The following SKI variants were observed in gnomAD, a reference collection of about 807,000 sequenced individuals.
SKI encodes SKI proto-oncogene, also known as ski oncogene.
A neutral mutation model predicts 59.3 loss-of-function variants in SKI; 23 were observed. The ratio of observed to expected loss-of-function variants is 0.39; its 90% CI spans 0.28 to 0.55. The LOEUF (loss-of-function observed/expected upper bound fraction) is 0.55. SKI is among the 20% of genes least tolerant of loss of function. SKI has a pLI of 0.67. For missense variants in SKI, 1,017 were observed against 1,038.9 expected (o/e 0.98, Z 0.29); for synonymous variants, 673 against 488.6 (o/e 1.38, Z -4.98).
chr1:2,239,358 A>G (rs1268461964), intron 1 of SKI, among the ~76,000 whole-genome samples: 2 of 152,200 alleles, frequency 1.3e-5, no homozygotes, highest in East Asian at 1.9e-4. Flanking sequence ...TGTGAAAACA[A>G]GGTAAACCCC....
chr1:2,297,400 C>T lies in SKI; in HGVS notation c.970-5578C>T, dbSNP rs140180384. ...TCAGGAGCAGGGCCACAGGCAGGAC[C>T]TCGAGTGCCCAGCCCGCTCACCACG... On this transcript the variant is annotated intron_variant, in intron 1 of 6. Coordinates refer to ENST00000378536, the MANE Select transcript of SKI (RefSeq NM_003036.4). Among the ~76,000 whole-genome samples the T allele has an allele frequency of 6.7e-3, 1,022 of 152,356 alleles. 13 individuals are homozygous for T. The highest frequency in any genetic ancestry group is 0.023 in the African/African-American group (946 of 41,586).
chr1:2,290,151 C>T (rs1039498117), intron 1 of SKI, among the ~76,000 whole-genome samples: 2 of 151,922 alleles, frequency 1.3e-5, no homozygotes, highest in Non-Finnish European at 2.9e-5. Context: ...GGGTGGAGTC[C>T]TTGGTCTTAA....
Position 2,229,522 on chromosome 1 carries a change from C to T in SKI, c.756C>T (p.Leu252=). ...GCATCCAGTGCCTGGACTGCCGCCT[C>T]ATGTACCCGCCGCACAAGTTCGTGG... is the stretch of plus-strand genomic sequence containing the variant. ...AACIQCLDCR[L]MYPPHKFVVH... Residue 252 remains leucine (L), a synonymous_variant, in exon 1 of 7, where the codon CTC becomes CTT. Coordinates refer to ENST00000378536, the MANE Select transcript of SKI (RefSeq NM_003036.4). This position sits in a 1 kb window ranked among gnomAD's most constrained non-coding sequence, Gnocchi z 6.3. 2 of 1,611,210 alleles carry T rather than the reference C, an allele frequency of 1.2e-6. No individual in the cohort carries two copies. The highest frequency in any genetic ancestry group is 1.7e-6 in the Non-Finnish European group (2 of 1,179,894).
At position 2,273,786 on chromosome 1, in the gene SKI, G is replaced by A. The variant is rs147661341; in HGVS notation, c.970-29192G>A. 2.9e-4 allele frequency among the ~76,000 whole-genome samples: 44 copies of A among 152,346 alleles called. No homozygotes were observed. The East Asian group carries it at 8.1e-3, about 28-fold the overall frequency. ...CGTGGGCAGCGTTCGGGCTGAGGCT[G>A]CAGGGGGCCTTGGGAGCACGGTGGC... On this transcript the variant is annotated intron_variant, in intron 1 of 6. Transcript: ENST00000378536.
rs1254990952 is a variant in SKI, at chr1:2,228,788, C to A, written c.22C>A (p.Arg8Ser). MEAAAGG[R>S]GCFQPHPGLQ... ...CACCATGGAGGCGGCGGCAGGCGGC[C>A]GCGGCTGTTTCCAGCCGCACCCGGG... is the stretch of plus-strand genomic sequence containing the variant. The change falls in exon 1 of 7, where the codon CGC becomes AGC. Residue 8 changes from arginine (R) to serine (S), a missense_variant. Physicochemically the swap from Arg to Ser is moderately radical, Grantham distance 110 (BLOSUM62 -1). Coordinates refer to ENST00000378536, the MANE Select transcript of SKI (RefSeq NM_003036.4). The A allele has an allele frequency of 4.6e-6, 6 of 1,311,524 alleles. No homozygotes were observed. In the South Asian group the frequency reaches 9.5e-5, roughly 21 times the overall value. 81.2% of individuals were successfully genotyped at this position (1,311,524 alleles called of 1,614,324 possible).
At chr1:2,230,407 T>C (rs548739264) in intron 1 of SKI, among the ~76,000 whole-genome samples, 2 of 152,206 alleles carry the variant, frequency 1.3e-5, no homozygotes, top group African/African-American at 4.8e-5. Flanking sequence ...AGGGACCAAA[T>C]CCCAGAGTCC....
At chr1:2,304,683 G>T in intron 5 of SKI, 98 bp downstream of exon 5, 1 of 1,453,956 alleles carries the variant, frequency 6.9e-7, no homozygotes, top group Non-Finnish European at 9.1e-7. Flanking sequence ...TCCCTTCCTG[G>T]CTGCCCCATG....
chr1:2,285,569 TTTG>T (rs1386730100), intron 1 of SKI, among the ~76,000 whole-genome samples: 1 of 138,198 alleles, frequency 7.2e-6, no homozygotes. Flanking sequence ...TTTTGTTGTT[TTTG>T]TTTTTTTTTT....
Position 2,306,091 on chromosome 1 carries a change from G to C in SKI, c.1839G>C (p.Arg613=). The C allele has an allele frequency of 6.2e-7, 1 of 1,601,834 alleles. No individual in the cohort carries two copies. The highest frequency in any genetic ancestry group is 1.1e-5 in the South Asian group (1 of 88,840). The change falls in exon 6 of 7, where the codon CGG becomes CGC. Residue 613 remains arginine (R), a synonymous_variant. Coordinates refer to ENST00000378536, the MANE Select transcript of SKI (RefSeq NM_003036.4). ...REATEAKRNL[R]KEIERLRAEN... is the part of the protein sequence containing the mutation. ...CCACGGAGGCCAAGCGTAACCTGCG[G>C]AAGGAGATCGAGCGTCTCCGCGCCG...
chr1:2,235,014 G>A (rs947060542), intron 1 of SKI, among the ~76,000 whole-genome samples: 1 of 151,018 alleles, frequency 6.6e-6, no homozygotes, highest in East Asian at 2.0e-4. Context: ...TGTCACCCTC[G>A]TGGTCTGGAG....
intron 1 of SKI, among the ~76,000 whole-genome samples, chr1:2,289,901 C>T (rs994221847): frequency 6.6e-6 from 1 of 151,938 alleles, no homozygotes; most frequent in African/African-American, 2.4e-5. Context: ...CCAGGGTGAG[C>T]ATGGGGTGCT....
chr1:2,263,259 A>G (rs1193318827), intron 1 of SKI, among the ~76,000 whole-genome samples: 1 of 122,158 alleles, frequency 8.2e-6, no homozygotes, highest in Non-Finnish European at 1.6e-5. Flanking sequence ...TTTTTTGGAG[A>G]CGGAGTCTTG....
chr1:2,254,060 G>A (rs1221112529), intron 1 of SKI, among the ~76,000 whole-genome samples: 1 of 152,226 alleles, frequency 6.6e-6, no homozygotes, highest in African/African-American at 2.4e-5. Flanking sequence ...GCTGCCTCAT[G>A]TGGCTCTTGC....
In SKI at chr1:2,286,259, T is replaced by A. The variant is rs148381318; in HGVS notation, c.970-16719T>A. On this transcript the variant is annotated intron_variant, in intron 1 of 6. Transcript: ENST00000378536. ...GCTCACTCCTGTCATTCCAGTGCTT[T>A]GGAAGGACAAGGTGGGCAGATCACT... Among the ~76,000 whole-genome samples the A allele has an allele frequency of 5.0e-3, 759 of 152,166 alleles. 4 individuals are homozygous for A. The highest frequency in any genetic ancestry group is 7.9e-3 in the Non-Finnish European group (538 of 68,006).
At chr1:2,304,642 C>A in intron 5 of SKI, 57 bp downstream of exon 5, 1 of 1,500,026 alleles carries the variant, frequency 6.7e-7, no homozygotes, top group Non-Finnish European at 8.9e-7. Context: ...GCACAGCCTG[C>A]ACCAGGTGAA....
intron 1 of SKI, among the ~76,000 whole-genome samples, chr1:2,239,168 T>C (rs1425965317): frequency 6.6e-6 from 1 of 152,256 alleles, no homozygotes; most frequent in Non-Finnish European, 1.5e-5. Flanking sequence ...ATTAGCAGTT[T>C]AAGTTCATGT....
chr1:2,300,238 C>T (rs980383387), intron 1 of SKI, among the ~76,000 whole-genome samples: 2 of 152,248 alleles, frequency 1.3e-5, no homozygotes, highest in African/African-American at 2.4e-5. Flanking sequence ...GTCGTCTGGC[C>T]TCCGCTGTGT....
rs1417405768 is a variant in SKI, at chr1:2,268,783, G to A, written c.970-34195G>A. Among the ~76,000 whole-genome samples, 5 of 152,208 alleles carry A rather than the reference G, an allele frequency of 3.3e-5. No individual in the cohort carries two copies. Among genetic ancestry groups the A allele is most frequent in the Admixed American group, 2.6e-4 (4 of 15,292 alleles). ...GTGGGTGTGGGGACTGGTGGGGACA[G>A]CGACTGTGCCTTCTGGCCCCACCCA... is the stretch of plus-strand genomic sequence containing the variant. On this transcript the variant is annotated intron_variant, in intron 1 of 6. Coordinates refer to ENST00000378536, the MANE Select transcript of SKI (RefSeq NM_003036.4). The surrounding 1 kb of genome is among the most constrained non-coding windows in gnomAD (Gnocchi z 5.0).
intron 1 of SKI, among the ~76,000 whole-genome samples, chr1:2,302,182 T>G (rs1378763281): frequency 6.6e-6 from 1 of 151,908 alleles, no homozygotes; most frequent in East Asian, 1.9e-4. Flanking sequence ...TGGTTCTGAG[T>G]GGGCTGGGTC....
Sources: allele counts gnomAD v4.1 joint callset (sites outside exome capture counted in the v4.1 genomes callset), GRCh38; gene constraint gnomAD v4.1.1; non-coding constraint Gnocchi (gnomAD v3.1); transcripts MANE v1.5; gene names NCBI Gene and HGNC (gene_info 2026-07-23, HGNC 2026-07-21).